CSMD1: variants seen among roughly 807,000 people sequenced by gnomAD.
CSMD1 encodes CUB and sushi domain-containing protein 1.
In CSMD1, 213 loss-of-function variants were observed where a neutral mutation model predicts 417.5. The ratio of observed to expected loss-of-function variants is 0.51; its 90% CI spans 0.46 to 0.57. CSMD1 has a LOEUF of 0.57. Among genes scored for constraint, CSMD1 ranks in the 20% least tolerant of loss-of-function variants. CSMD1 has a pLI of 0.00. For synonymous variants in CSMD1, 2,862 were observed against 1,736.8 expected (o/e 1.65, Z -16.11); for missense variants, 6,923 against 4,529.7 (o/e 1.53, Z -15.17).
intron 26 of CSMD1, among the ~76,000 whole-genome samples, chr8:3,252,313 G>C (rs547837393): frequency 5.3e-5 from 8 of 152,012 alleles, no homozygotes; most frequent in African/African-American, 1.9e-4. Context: ...GCATCTATTG[G>C]GATTATCACG....
chr8:4,028,379 C>T (rs1797172515), intron 4 of CSMD1, among the ~76,000 whole-genome samples: 2 of 152,028 alleles, frequency 1.3e-5, no homozygotes, highest in African/African-American at 4.8e-5. Flanking sequence ...GCCTGGCTTA[C>T]AGTAAGTGGA....
chr8:4,553,693 G>C (rs1332009246), intron 2 of CSMD1, among the ~76,000 whole-genome samples: 1 of 152,108 alleles, frequency 6.6e-6, no homozygotes, highest in South Asian at 2.1e-4. Flanking sequence ...CTATTTTTAG[G>C]ATTCTAGAGT....
chr8:4,106,344 A>G (rs1011375758), intron 3 of CSMD1, among the ~76,000 whole-genome samples: 2 of 152,184 alleles, frequency 1.3e-5, no homozygotes, highest in African/African-American at 2.4e-5. Flanking sequence ...CAATACCTAT[A>G]TTTTTTAAGT....
chr8:4,184,950 C>T (rs1201987634), intron 3 of CSMD1, among the ~76,000 whole-genome samples: 2 of 151,820 alleles, frequency 1.3e-5, no homozygotes, highest in Admixed American at 6.6e-5. Flanking sequence ...CCAGCCTCCC[C>T]AATGTGGTGA....
intron 3 of CSMD1, among the ~76,000 whole-genome samples, chr8:4,116,214 G>C (rs536593931): frequency 2.6e-5 from 4 of 151,980 alleles, no homozygotes; most frequent in African/African-American, 7.2e-5. Flanking sequence ...GGCTGGTCCT[G>C]AACTCCTGAC....
At chr8:4,635,227 T>C (rs1585367791) in intron 2 of CSMD1, among the ~76,000 whole-genome samples, 1 of 152,178 alleles carries the variant, frequency 6.6e-6, no homozygotes, top group Non-Finnish European at 1.5e-5. Context: ...CTGTTGTACA[T>C]ACAACTCACA....
At chr8:3,525,136 A>T (rs1797701868) in intron 10 of CSMD1, among the ~76,000 whole-genome samples, 1 of 151,506 alleles carries the variant, frequency 6.6e-6, no homozygotes, top group South Asian at 2.1e-4. Flanking sequence ...CAAGCCACAT[A>T]CAGTGAGTCT....
chr8:4,530,475 C>T (rs975284928), intron 2 of CSMD1, among the ~76,000 whole-genome samples: 2 of 151,586 alleles, frequency 1.3e-5, no homozygotes, highest in African/African-American at 4.9e-5. Context: ...GGTATTTGTC[C>T]TAACACTATC....
chr8:3,637,511 C>T (rs10113069), intron 7 of CSMD1, among the ~76,000 whole-genome samples: 71,331 of 151,622 alleles, frequency 0.47, 16,869 homozygotes, highest in Middle Eastern at 0.64. Context: ...ATAAAATATA[C>T]AAAACTACCT....
chr8:4,650,231 G>C (rs1803805230), intron 1 of CSMD1, among the ~76,000 whole-genome samples: 1 of 151,412 alleles, frequency 6.6e-6, no homozygotes, highest in Admixed American at 6.6e-5. Flanking sequence ...TGTAGTCCCA[G>C]CTACTCGGGA....
At position 4,994,529 on chromosome 8, in the gene CSMD1, G is replaced by C; in HGVS notation, c.-113C>G. 1.0e-6 allele frequency: 1 copy of C among 959,854 alleles called. No individual in the cohort carries two copies. Among genetic ancestry groups the C allele is most frequent in the South Asian group, 1.5e-5 (1 of 67,174 alleles). The allele number at this position is 959,854 out of a possible 1,614,324, so 59.5% of individuals were successfully genotyped here. On this transcript the variant is annotated 5_prime_UTR_variant, in exon 1 of 70. Transcript: ENST00000635120. The stretch of plus-strand genomic sequence containing the variant: ...CAAGGCGAGCCGGAGAGAGAGCCCG[G>C]TCCCAAGACCCGCCGCGCATCCGAC...
At position 3,189,920 on chromosome 8, in the gene CSMD1, C is replaced by T; in HGVS notation, c.5390G>A (p.Ser1797Asn). The change falls in exon 34 of 70, where the codon AGC becomes AAC. Residue 1797 changes from serine to asparagine, a missense_variant. Coordinates refer to ENST00000635120, the MANE Select transcript of CSMD1 (RefSeq NM_033225.6). ...TTAGGGACACTGCTCACCCACACAG[C>T]TGGGGATCGTGTCGTTCCACTGTGC... The part of the protein sequence containing the change: ...ALAQWNDTIP[S>N]CVVPCSGNFT... The T allele has an allele frequency of 6.3e-7, 1 of 1,579,014 alleles. No individual in the cohort carries two copies. The highest frequency in any genetic ancestry group is 1.3e-5 in the African/African-American group (1 of 74,304).
At chr8:4,867,790 T>C (rs1802505051) in intron 1 of CSMD1, among the ~76,000 whole-genome samples, 1 of 152,218 alleles carries the variant, frequency 6.6e-6, no homozygotes, top group South Asian at 2.1e-4. Context: ...TTTTGATCCC[T>C]CTAATAAATA....
intron 5 of CSMD1, among the ~76,000 whole-genome samples, chr8:3,872,558 T>C (rs1467994132): frequency 6.6e-6 from 1 of 152,230 alleles, no homozygotes; most frequent in African/African-American, 2.4e-5. Context: ...GAACTGAGGT[T>C]GTCTGTTTCA....
At chr8:4,197,467 C>G (rs1253063113) in intron 3 of CSMD1, among the ~76,000 whole-genome samples, 1 of 152,146 alleles carries the variant, frequency 6.6e-6, no homozygotes, top group Non-Finnish European at 1.5e-5. Context: ...CGTTTCATCA[C>G]TTGAAGGCCT....
In CSMD1 at chr8:3,096,906, T is replaced by G. The variant is rs1456976131; in HGVS notation, c.7081A>C (p.Ile2361Leu). 6.4e-7 allele frequency: 1 copy of G among 1,557,470 alleles called. No homozygotes were observed. The highest frequency in any genetic ancestry group is 8.7e-7 in the Non-Finnish European group (1 of 1,149,328). Reference sequence around the variant, plus strand: ...TCACTTTGAAATGTGTCCACAAAGATGGTAATGTTGTAGTTTGGTTCCACT... The same window carrying G: ...TCACTTTGAAATGTGTCCACAAAGAGGGTAATGTTGTAGTTTGGTTCCACT... ...IKVEPNYNIT[I>L]FVDTFQSEKQ... The change falls in exon 47 of 70, where the codon ATC becomes CTC. Residue 2361 changes from isoleucine to leucine, a missense_variant. Coordinates refer to ENST00000635120, the MANE Select transcript of CSMD1 (RefSeq NM_033225.6).
At position 4,713,273 on chromosome 8, in the gene CSMD1, T is replaced by A. The variant is rs182348730; in HGVS notation, c.86-75715A>T. ...ACAGAAGGAATGCGGAGCAGGAGAG[T>A]GTAGTTTAAGTTGGTTTTTGGAAAC... On this transcript the variant is annotated intron_variant, in intron 1 of 69. Coordinates refer to ENST00000635120, the MANE Select transcript of CSMD1 (RefSeq NM_033225.6). 1.9e-4 allele frequency among the ~76,000 whole-genome samples: 29 copies of A among 152,164 alleles called. No individual in the cohort carries two copies. The East Asian group carries it at 4.2e-3, about 22-fold the overall frequency.
At chr8:3,737,262 C>T (rs891385672) in intron 6 of CSMD1, among the ~76,000 whole-genome samples, 5 of 152,064 alleles carry the variant, frequency 3.3e-5, no homozygotes, top group Non-Finnish European at 7.4e-5. Flanking sequence ...GAGTAATGGC[C>T]TATAAGTTTA....
chr8:3,517,321 C>G (rs7014323), intron 10 of CSMD1, among the ~76,000 whole-genome samples: 37,991 of 152,046 alleles, frequency 0.25, 6,402 homozygotes, highest in African/African-American at 0.44. Context: ...AGAGAACAGG[C>G]AATCCAAGTA....
Sources: gnomAD v4.1 joint callset for allele counts (sites outside exome capture counted in the v4.1 genomes callset) on GRCh38, gnomAD v4.1.1 for gene constraint, MANE v1.5 for transcripts, NCBI Gene and HGNC (gene_info 2026-07-23, HGNC 2026-07-21) for gene names.